The following CIDEA variants were observed in gnomAD, a reference collection of about 807,000 sequenced individuals.
CIDEA encodes the protein lipid transferase CIDEA.
CIDEA carries 10 observed loss-of-function variants against 18.2 expected under a neutral mutation model. The ratio of observed to expected loss-of-function variants is 0.55; its 90% CI spans 0.34 to 0.93. The LOEUF is 0.93. Among genes scored for constraint, CIDEA ranks in the 40% least tolerant of loss-of-function variants. CIDEA has a pLI of 0.02. For synonymous variants in CIDEA, 128 were observed against 124.8 expected (o/e 1.03, Z -0.17); for missense variants, 309 against 293.1 (o/e 1.05, Z -0.40).
chr18:12,254,886 C>A, intron 1 of CIDEA: 1 of 1,297,692 alleles, frequency 7.7e-7, no homozygotes, highest in Non-Finnish European at 1.0e-6. Context: ...GGGGCCCAGG[C>A]TTGGCCCCTC....
intron 3 of CIDEA, among the ~76,000 whole-genome samples, chr18:12,268,385 T>TG (rs1445616844): frequency 2.0e-5 from 3 of 149,120 alleles, no homozygotes; most frequent in African/African-American, 5.0e-5. Context: ...CAGTGGTTTT[T>TG]TTTTTTTTTT....
chr18:12,269,574 G>A (rs902047034), intron 3 of CIDEA, among the ~76,000 whole-genome samples: 1 of 152,210 alleles, frequency 6.6e-6, no homozygotes, highest in African/African-American at 2.4e-5. Context: ...AACAGCAGGC[G>A]TTGGTCATTG....
At chr18:12,265,767 G>A (rs187531940) in intron 3 of CIDEA, among the ~76,000 whole-genome samples, 1 of 152,212 alleles carries the variant, frequency 6.6e-6, no homozygotes, top group Admixed American at 6.5e-5. Context: ...GTTTTCATTC[G>A]TAACGTTCTC....
At chr18:12,261,537 G>A (rs1167527711) in intron 1 of CIDEA, among the ~76,000 whole-genome samples, 1 of 152,118 alleles carries the variant, frequency 6.6e-6, no homozygotes, top group African/African-American at 2.4e-5. Flanking sequence ...ATGCAATCAT[G>A]TGTTGAAGGC....
intron 1 of CIDEA, chr18:12,254,802 A>AGGGG (rs1396495440): frequency 7.4e-7 from 1 of 1,350,050 alleles, no homozygotes; most frequent in Admixed American, 2.2e-5. Context: ...AGGAACCCCG[A>AGGGG]GCAAAGCTTC....
chr18:12,270,681 C>A (rs1374207690), intron 3 of CIDEA, among the ~76,000 whole-genome samples: 1 of 78,632 alleles, frequency 1.3e-5, no homozygotes, highest in South Asian at 4.4e-4. Flanking sequence ...AGCAAGACTC[C>A]GTCTCACAAA....
chr18:12,257,939 C>T (rs1056080370), intron 1 of CIDEA, among the ~76,000 whole-genome samples: 4 of 152,146 alleles, frequency 2.6e-5, no homozygotes, highest in Non-Finnish European at 4.4e-5. Flanking sequence ...GCAGCAGATT[C>T]GGTACCTGTA....
chr18:12,271,212 T>C (rs72870156), intron 3 of CIDEA, among the ~76,000 whole-genome samples: 5,403 of 152,268 alleles, frequency 0.035, 147 homozygotes, highest in Non-Finnish European at 0.052. Flanking sequence ...CGCCCCTGTC[T>C]TAATCCTCAG....
chr18:12,275,975 C>A (rs959907989), intron 4 of CIDEA, among the ~76,000 whole-genome samples: 1 of 147,116 alleles, frequency 6.8e-6, no homozygotes, highest in Non-Finnish European at 1.5e-5. Flanking sequence ...TCAGTGAAAT[C>A]TTTTTTCTTT....
chr18:12,259,495 C>G (rs1270848095), intron 1 of CIDEA, among the ~76,000 whole-genome samples: 1 of 152,154 alleles, frequency 6.6e-6, no homozygotes, highest in Admixed American at 6.5e-5. Flanking sequence ...CCACTCTGAG[C>G]CTCAGTTTTC....
intron 1 of CIDEA, chr18:12,254,915 G>A: frequency 2.4e-6 from 3 of 1,255,526 alleles, no homozygotes; most frequent in Non-Finnish European, 3.1e-6. Flanking sequence ...GCGGGCTCTG[G>A]TCTCCGAGGG....
intron 3 of CIDEA, among the ~76,000 whole-genome samples, chr18:12,266,358 G>A (rs1450032960): frequency 6.6e-6 from 1 of 152,190 alleles, no homozygotes; most frequent in Non-Finnish European, 1.5e-5. Context: ...GAGAGGCTGA[G>A]GCGGGAGAAC....
intron 2 of CIDEA, among the ~76,000 whole-genome samples, 199 bp downstream of exon 2, chr18:12,263,168 AGGATCTT>A (rs1256953384): frequency 6.6e-6 from 1 of 152,218 alleles, no homozygotes; most frequent in African/African-American, 2.4e-5. Context: ...TTTTTGAGAC[AGGATCTT>A]GCCATGTGGC....
chr18:12,266,833 T>C (rs546431185), intron 3 of CIDEA, among the ~76,000 whole-genome samples: 2 of 151,386 alleles, frequency 1.3e-5, no homozygotes, highest in African/African-American at 4.8e-5. Flanking sequence ...TGATCTCGGC[T>C]CACTGCAACT....
Position 12,277,491 on chromosome 18 carries a change from A to G in CIDEA, c.*221A>G, listed in dbSNP as rs1905386790. The stretch of plus-strand genomic sequence containing the variant: ...GGAGGCATAGAGGGCCCTGGGGGTC[A>G]TGGGAAGCGAGCACGCAGCAGGCGT... On this transcript the variant is annotated 3_prime_UTR_variant, in exon 5 of 5. Transcript: ENST00000320477. 3.6e-6 allele frequency: 2 copies of G among 555,244 alleles called. No homozygotes were observed. Among genetic ancestry groups the G allele is most frequent in the East Asian group, 3.1e-5 (1 of 32,374 alleles). 34.4% of individuals were successfully genotyped at this position (555,244 alleles called of 1,614,324 possible). A position where few individuals can be genotyped will look rare whatever the true frequency, so the allele number is the denominator to read the frequency against.
rs750276427 is a variant in CIDEA at position 12,277,225 on chromosome 18, G to T, written c.615G>T (p.Arg205=). The change falls in exon 5 of 5, where the codon CGG becomes CGT. Residue 205 remains arginine (R), a synonymous_variant. Coordinates refer to ENST00000320477, the MANE Select transcript of CIDEA (RefSeq NM_001279.4). ...GGGTGCTGGATGACAAGGAAGAGCG[G>T]CCATCCCTCCGGTCACAAGCCAAGG... is the stretch of plus-strand genomic sequence containing the variant. The part of the protein sequence containing the change: ...MLRVLDDKEE[R]PSLRSQAKGR... 6 of 1,614,058 alleles carry T rather than the reference G, an allele frequency of 3.7e-6. No individual in the cohort carries two copies. The highest frequency in any genetic ancestry group is 4.2e-6 in the Non-Finnish European group (5 of 1,179,992).
At chr18:12,275,732 T>C (rs981593239) in intron 4 of CIDEA, among the ~76,000 whole-genome samples, 2 of 152,162 alleles carry the variant, frequency 1.3e-5, no homozygotes, top group Non-Finnish European at 2.9e-5. Context: ...GGTGTGTGGC[T>C]TCTCTGTGGC....
chr18:12,265,731 A>T (rs1006079420), intron 3 of CIDEA, among the ~76,000 whole-genome samples: 1 of 152,130 alleles, frequency 6.6e-6, no homozygotes, highest in Non-Finnish European at 1.5e-5. Context: ...TCCGCTTGGG[A>T]TGAACATCCA....
chr18:12,257,866 T>C (rs1470934229), intron 1 of CIDEA, among the ~76,000 whole-genome samples: 2 of 152,146 alleles, frequency 1.3e-5, no homozygotes, highest in Admixed American at 6.5e-5. Context: ...TGGCCAGTGA[T>C]AGAGATGACT....
Sources: allele counts gnomAD v4.1 joint callset (sites outside exome capture counted in the v4.1 genomes callset), GRCh38; gene constraint gnomAD v4.1.1; transcripts MANE v1.5; gene names NCBI Gene and HGNC (gene_info 2026-07-23, HGNC 2026-07-21).